ASTN2: variants seen among roughly 807,000 people sequenced by gnomAD.
ASTN2 encodes astrotactin-2.
In ASTN2, 54 loss-of-function variants were observed where a neutral mutation model predicts 139.8. The ratio of observed to expected loss-of-function variants is 0.39; its 90% CI spans 0.31 to 0.48. The LOEUF is 0.48. Ranked by LOEUF, ASTN2 falls within the 20% of genes least tolerant of loss-of-function variation. ASTN2 has a pLI of 0.95. For synonymous variants in ASTN2, 756 were observed against 719.5 expected (o/e 1.05, Z -0.81); for missense variants, 1,565 against 1,725.1 (o/e 0.91, Z 1.64).
chr9:117,171,766 G>A (rs1407734556), intron 3 of ASTN2, among the ~76,000 whole-genome samples: 1 of 151,944 alleles, frequency 6.6e-6, no homozygotes, highest in Non-Finnish European at 1.5e-5. Flanking sequence ...AGTTTCCTGA[G>A]GCCTCCCCAG....
intron 13 of ASTN2, among the ~76,000 whole-genome samples, chr9:116,757,248 C>T (rs146565979): frequency 6.6e-6 from 1 of 152,294 alleles, no homozygotes; most frequent in East Asian, 1.9e-4. Flanking sequence ...CAGCACTTAC[C>T]CGGAGTGCCT....
intron 1 of ASTN2, among the ~76,000 whole-genome samples, chr9:117,412,882 C>G (rs932234545): frequency 6.6e-6 from 1 of 152,162 alleles, no homozygotes; most frequent in Non-Finnish European, 1.5e-5. Context: ...AACACCACCT[C>G]CACCCTCCTT....
At chr9:117,046,418 T>G (rs10817983) in intron 5 of ASTN2, among the ~76,000 whole-genome samples, 41,247 of 152,010 alleles carry the variant, frequency 0.27, 5,712 homozygotes, top group Middle Eastern at 0.39. Context: ...TAAAAAAGGG[T>G]AGTGATAATC....
intron 19 of ASTN2, among the ~76,000 whole-genome samples, chr9:116,506,088 G>A (rs1024928579): frequency 3.3e-5 from 5 of 151,948 alleles, no homozygotes; most frequent in East Asian, 1.9e-4. Context: ...CCTCTGTACC[G>A]GGAACATAAG....
At chr9:116,696,848 C>G (rs1860879943) in intron 16 of ASTN2, among the ~76,000 whole-genome samples, 1 of 150,858 alleles carries the variant, frequency 6.6e-6, no homozygotes, top group South Asian at 2.1e-4. Flanking sequence ...ATTTTCTGAT[C>G]TGATGTTTTG....
At chr9:117,121,962 A>G (rs866390755) in intron 4 of ASTN2, among the ~76,000 whole-genome samples, 4 of 152,132 alleles carry the variant, frequency 2.6e-5, no homozygotes, top group African/African-American at 9.7e-5. Flanking sequence ...ATACCATCCC[A>G]TCAGGCCCCT....
rs1360716233 is a variant in ASTN2 at position 116,699,624 on chromosome 9, G to A, written c.2806+26147C>T. Reference sequence around the variant, plus strand: ...GGTGGGCATAGCCCTAACTCCTAAGGGGCAGCTGCTGGTCTTGGACTGTTG... The same window carrying A: ...GGTGGGCATAGCCCTAACTCCTAAGAGGCAGCTGCTGGTCTTGGACTGTTG... On this transcript the variant is annotated intron_variant, in intron 16 of 22. Transcript: ENST00000313400. The surrounding 1 kb of genome is among the most constrained non-coding windows in gnomAD (Gnocchi z 4.2). 5.6e-6 allele frequency: 9 copies of A among 1,614,032 alleles called. No homozygotes were observed. Among genetic ancestry groups the A allele is most frequent in the Non-Finnish European group, 7.6e-6 (9 of 1,180,030 alleles).
At chr9:117,290,700 T>A (rs1834567680) in intron 2 of ASTN2, among the ~76,000 whole-genome samples, 1 of 152,230 alleles carries the variant, frequency 6.6e-6, no homozygotes, top group Non-Finnish European at 1.5e-5. Context: ...AGTAGCCAGA[T>A]ATGCTTGGAT....
At chr9:117,206,224 T>C (rs902618359) in intron 3 of ASTN2, among the ~76,000 whole-genome samples, 3 of 152,072 alleles carry the variant, frequency 2.0e-5, no homozygotes, top group East Asian at 3.9e-4. Flanking sequence ...ATGAGGGCAA[T>C]GTAGAGTCAC....
chr9:116,547,537 G>A (rs1427822634), intron 19 of ASTN2: 3 of 152,154 alleles, frequency 2.0e-5, no homozygotes, highest in Non-Finnish European at 4.4e-5. Context: ...GTGCCTTCAG[G>A]GCTATGTACC....
intron 2 of ASTN2, among the ~76,000 whole-genome samples, chr9:117,279,452 A>T (rs10983604): frequency 0.065 from 9,938 of 152,220 alleles, 379 homozygotes; most frequent in South Asian, 0.14. Context: ...ATATTTACCA[A>T]CTTTTAACTG....
intron 1 of ASTN2, among the ~76,000 whole-genome samples, chr9:117,329,097 C>T (rs1828615327): frequency 6.6e-6 from 1 of 151,862 alleles, no homozygotes; most frequent in African/African-American, 2.4e-5. Flanking sequence ...GTGACATTCC[C>T]CAACAGGTCA....
At chr9:116,487,839 T>C (rs1849389796) in intron 19 of ASTN2, among the ~76,000 whole-genome samples, 1 of 152,212 alleles carries the variant, frequency 6.6e-6, no homozygotes, top group Non-Finnish European at 1.5e-5. Flanking sequence ...ATTCTGGCCT[T>C]GTCACTGTTA....
At chr9:116,448,146 G>A (rs899075714) in intron 20 of ASTN2, among the ~76,000 whole-genome samples, 2 of 152,216 alleles carry the variant, frequency 1.3e-5, no homozygotes, top group African/African-American at 4.8e-5. Flanking sequence ...ATTCTGGGGA[G>A]GCAAAAGTCT....
At chr9:116,523,718 G>A (rs1587934649) in intron 19 of ASTN2, among the ~76,000 whole-genome samples, 1 of 152,146 alleles carries the variant, frequency 6.6e-6, no homozygotes, top group East Asian at 1.9e-4. Context: ...GGTTTGGCTT[G>A]GGTAAACATG....
intron 19 of ASTN2, chr9:116,612,591 G>A (rs2131803769): frequency 1.3e-5 from 2 of 152,268 alleles, no homozygotes; most frequent in Middle Eastern, 3.4e-3. Context: ...CAACTACATG[G>A]AAACTGAACA....
intron 19 of ASTN2, chr9:116,584,498 G>A (rs768348588): frequency 6.6e-6 from 1 of 152,016 alleles, no homozygotes; most frequent in East Asian, 1.9e-4. Context: ...CATTTCAAAT[G>A]GAAACAAAAC....
chr9:116,637,678 C>T (rs1564173333), intron 17 of ASTN2, among the ~76,000 whole-genome samples: 1 of 152,246 alleles, frequency 6.6e-6, no homozygotes. Context: ...GTAGTACATG[C>T]CTGTAATCCC....
At chr9:116,547,275 C>A (rs1413863958) in intron 19 of ASTN2, 1 of 152,186 alleles carries the variant, frequency 6.6e-6, no homozygotes, top group African/African-American at 2.4e-5. Context: ...TGTTTACTAA[C>A]CTGTTTCGTG....
Sources: allele counts gnomAD v4.1 joint callset (sites outside exome capture counted in the v4.1 genomes callset), GRCh38; gene constraint gnomAD v4.1.1; non-coding constraint Gnocchi (gnomAD v3.1); transcripts MANE v1.5; gene names NCBI Gene and HGNC (gene_info 2026-07-23, HGNC 2026-07-21).